WDPCP: variants seen among roughly 807,000 people sequenced by gnomAD.
WDPCP encodes WD repeat containing planar cell polarity effector, also known as WD repeat-containing and planar cell polarity effector protein fritz homolog.
A neutral mutation model predicts 93.1 loss-of-function variants in WDPCP; 71 were observed. The ratio of observed to expected loss-of-function variants is 0.76; its 90% confidence interval spans 0.63 to 0.93. The LOEUF (loss-of-function observed/expected upper bound fraction) is 0.93, where lower values mean the gene tolerates loss of function less well. Ranked by LOEUF, WDPCP falls within the 40% of genes least tolerant of loss-of-function variation. WDPCP has a pLI of 0.00. For missense variants in WDPCP, 844 were observed against 887.4 expected, an observed-to-expected ratio of 0.95 and a Z score of 0.62; for synonymous variants, 315 against 315.0, an observed-to-expected ratio of 1.00 and a Z score of 0.00.
intron 15 of WDPCP, chr2:63,168,617 T>G (rs1448685142): frequency 7.2e-5 from 11 of 152,208 alleles, no homozygotes; most frequent in Admixed American, 7.2e-4. Context: ...GTGTTTCCTT[T>G]CTTCTCACTT....
intron 3 of WDPCP, among the ~76,000 whole-genome samples, chr2:63,632,367 A>G (rs1709873517): frequency 2.0e-5 from 3 of 152,246 alleles, no homozygotes; most frequent in Non-Finnish European, 2.9e-5. Context: ...TACAAGAACC[A>G]ATGCCAAAGA....
At chr2:63,155,986 A>C (rs1210357364) in intron 15 of WDPCP, among the ~76,000 whole-genome samples, 2 of 152,082 alleles carry the variant, frequency 1.3e-5, no homozygotes, top group African/African-American at 4.8e-5. Flanking sequence ...TCCAAACCGT[A>C]AACACGTCTA....
chr2:63,450,879 G>C (rs1230973535), intron 6 of WDPCP, among the ~76,000 whole-genome samples: 1 of 152,096 alleles, frequency 6.6e-6, no homozygotes, highest in Non-Finnish European at 1.5e-5. Context: ...CAAAAAACTG[G>C]AAGAAACAAC....
upstream of WDPCP, among the ~76,000 whole-genome samples, chr2:63,591,453 AG>A (rs1438115181): frequency 6.6e-6 from 1 of 152,260 alleles, no homozygotes; most frequent in Non-Finnish European, 1.5e-5. Context: ...ACTGTTCATT[AG>A]GTGGCCACAA....
chr2:63,799,146 C>T (rs1670659326), intron 2 of WDPCP, among the ~76,000 whole-genome samples: 1 of 152,048 alleles, frequency 6.6e-6, no homozygotes, highest in Admixed American at 6.5e-5. Flanking sequence ...TGGAATTTTC[C>T]CTATTACGTA....
rs532038802 is a variant in WDPCP at position 63,267,962 on chromosome 2, G to A, written c.1813-8553C>T. 5.3e-5 allele frequency among the ~76,000 whole-genome samples: 8 copies of A among 152,102 alleles called. 1 individual carries two copies. The highest frequency in any genetic ancestry group is 2.1e-4 in the South Asian group (1 of 4,818). On this transcript the variant is annotated intron_variant, in intron 13 of 17. Transcript: ENST00000272321. Reference sequence around the variant, plus strand: ...AAACACCATATGATCTAGCAATTGCGCTTCTGGGTATATATCCAAAGGGAT... The same window carrying A: ...AAACACCATATGATCTAGCAATTGCACTTCTGGGTATATATCCAAAGGGAT...
intron 12 of WDPCP, among the ~76,000 whole-genome samples, chr2:63,338,663 G>A (rs1299669919): frequency 7.0e-6 from 1 of 143,830 alleles, no homozygotes; most frequent in African/African-American, 2.5e-5. Flanking sequence ...TGTACTTGGT[G>A]TCTGTATCGC....
At chr2:63,772,854 C>T (rs1445987151) in intron 2 of WDPCP, among the ~76,000 whole-genome samples, 1 of 152,016 alleles carries the variant, frequency 6.6e-6, no homozygotes, top group Non-Finnish European at 1.5e-5. Flanking sequence ...TGTCTTATTA[C>T]TTTGAAAGTT....
intron 2 of WDPCP, among the ~76,000 whole-genome samples, chr2:63,686,747 A>G (rs1191590616): frequency 6.6e-6 from 1 of 152,250 alleles, no homozygotes; most frequent in Non-Finnish European, 1.5e-5. Flanking sequence ...CACAGCATAC[A>G]GAACCCAGAA....
intron 1 of WDPCP, among the ~76,000 whole-genome samples, chr2:63,568,166 A>G (rs1707215445): frequency 4.6e-5 from 7 of 152,210 alleles, no homozygotes; most frequent in Admixed American, 4.6e-4. Context: ...GGTCAGAGAG[A>G]TTAATTAGCT....
intron 10 of WDPCP, among the ~76,000 whole-genome samples, chr2:63,383,015 G>A (rs1692440537): frequency 6.6e-6 from 1 of 152,070 alleles, no homozygotes; most frequent in South Asian, 2.1e-4. Context: ...TCTGAAGTCT[G>A]TTGACTCCAC....
intron 12 of WDPCP, among the ~76,000 whole-genome samples, chr2:63,328,440 C>T (rs982074587): frequency 6.6e-6 from 1 of 152,094 alleles, no homozygotes; most frequent in Non-Finnish European, 1.5e-5. Flanking sequence ...TCCTGAAGTC[C>T]GCGAGACCAC....
At chr2:63,564,778 CTTTTT>C (rs10713306) in intron 1 of WDPCP, among the ~76,000 whole-genome samples, 2 of 122,308 alleles carry the variant, frequency 1.6e-5, no homozygotes, top group African/African-American at 6.7e-5. Context: ...AAAACTGCAC[CTTTTT>C]TTTTTTTTTT....
intron 14 of WDPCP, among the ~76,000 whole-genome samples, chr2:63,210,562 A>G (rs1676698182): frequency 6.6e-6 from 1 of 152,046 alleles, no homozygotes; most frequent in South Asian, 2.1e-4. Context: ...TGCATTTCCA[A>G]CTGAGGTACT....
At chr2:63,368,660 A>C (rs947538157) in intron 12 of WDPCP, among the ~76,000 whole-genome samples, 2 of 152,018 alleles carry the variant, frequency 1.3e-5, no homozygotes, top group African/African-American at 2.4e-5. Context: ...AAAGGACTCA[A>C]GCAATCCTCT....
At chr2:63,704,189 G>A (rs1669110203) in intron 2 of WDPCP, among the ~76,000 whole-genome samples, 1 of 152,184 alleles carries the variant, frequency 6.6e-6, no homozygotes, top group South Asian at 2.1e-4. Context: ...ATCAGCTTAA[G>A]GAGATTTTGG....
chr2:63,433,641 T>A, intron 9 of WDPCP, 104 bp downstream of exon 9: 3 of 1,206,578 alleles, frequency 2.5e-6, no homozygotes, highest in Non-Finnish European at 3.4e-6. Flanking sequence ...TTGAAAAACA[T>A]AAATTATAGG....
intron 2 of WDPCP, among the ~76,000 whole-genome samples, chr2:63,749,955 T>C (rs1669856409): frequency 6.6e-6 from 1 of 152,096 alleles, no homozygotes; most frequent in African/African-American, 2.4e-5. Flanking sequence ...GCAAATATCC[T>C]TGGGAGGGAC....
intron 6 of WDPCP, among the ~76,000 whole-genome samples, chr2:63,483,505 T>C (rs1700391078): frequency 6.6e-6 from 1 of 151,808 alleles, no homozygotes; most frequent in Non-Finnish European, 1.5e-5. Flanking sequence ...GTTGCCTCCA[T>C]GAGTAAAGGT....
Sources: gnomAD v4.1 joint callset for allele counts (sites outside exome capture counted in the v4.1 genomes callset) on GRCh38, gnomAD v4.1.1 for gene constraint, MANE v1.5 for transcripts, NCBI Gene and HGNC (gene_info 2026-07-23, HGNC 2026-07-21) for gene names.